Variants in TSPAN11 observed in about 807,000 individuals in gnomAD.
TSPAN11 encodes tetraspanin-11.
In TSPAN11, 29 loss-of-function variants were observed where a neutral mutation model predicts 32.9. The observed-to-expected ratio is 0.88, with a 90% CI of 0.66 to 1.20. TSPAN11 has a LOEUF of 1.20. TSPAN11 is among the 50% of genes most tolerant of loss of function. The pLI is 0.00. For missense variants in TSPAN11, 283 were observed against 329.1 expected (o/e 0.86, Z 1.08); for synonymous variants, 140 against 141.3 (o/e 0.99, Z 0.07).
At chr12:31,004,088 G>T in the TSPAN11 span, among the ~76,000 whole-genome samples, 2 of 152,350 alleles carry the variant, frequency 1.3e-5, no homozygotes, top group Non-Finnish European at 2.9e-5. Flanking sequence ...CCAACTGTAG[G>T]AAGAAGGGCT....
intron 2 of TSPAN11, among the ~76,000 whole-genome samples, chr12:30,956,102 G>T (rs954327779): frequency 2.6e-5 from 4 of 152,170 alleles, no homozygotes. Context: ...AGAGTGAAGG[G>T]ATTTATAAGG....
Position 30,991,895 on chromosome 12 carries a change from C to T in TSPAN11, c.742C>T (p.Leu248Phe), listed in dbSNP as rs368682367. The stretch of plus-strand genomic sequence containing the variant: ...TCTCACCTGCTGCTTGCACCAGAGG[C>T]TCCAGCGGCATTTTTACTAATGGCC... ...MVLTCCLHQR[L>F]QRHFY is the part of the protein sequence containing the mutation. Residue 248 changes from leucine to phenylalanine, a missense_variant, in exon 8 of 8, where the codon CTC becomes TTC. By Grantham distance (22) the Leu-to-Phe change is conservative. Transcript: ENST00000546076. 6.2e-7 allele frequency: 1 copy of T among 1,614,198 alleles called. No homozygotes were observed. The highest frequency in any genetic ancestry group is 2.2e-5 in the East Asian group (1 of 44,884).
At chr12:30,998,385 G>A (rs951580858), downstream of TSPAN11, among the ~76,000 whole-genome samples, 1 of 152,240 alleles carries the variant, frequency 6.6e-6, no homozygotes, top group Non-Finnish European at 1.5e-5. Context: ...TGCTGCCTCT[G>A]GGTGGGGACG....
intron 2 of TSPAN11, among the ~76,000 whole-genome samples, chr12:30,957,228 ACCCC>A (rs56296744): frequency 0.26 from 28,336 of 107,938 alleles, 3,381 homozygotes; most frequent in South Asian, 0.35. Context: ...ATGGCCTGGG[ACCCC>A]CCCCCCCCCC....
At chr12:31,004,429 T>G in the TSPAN11 span, among the ~76,000 whole-genome samples, 2 of 152,162 alleles carry the variant, frequency 1.3e-5, no homozygotes, top group Non-Finnish European at 2.9e-5. Context: ...CTGATGTCGA[T>G]GAACCCTGGG....
At chr12:30,941,417 C>T (rs1029027428) in intron 1 of TSPAN11, among the ~76,000 whole-genome samples, 1 of 152,196 alleles carries the variant, frequency 6.6e-6, no homozygotes, top group African/African-American at 2.4e-5. Context: ...TTGGGCGATG[C>T]AGAAATGGTC....
intron 1 of TSPAN11, among the ~76,000 whole-genome samples, chr12:30,947,545 A>G (rs1448261721): frequency 1.3e-5 from 2 of 152,200 alleles, no homozygotes; most frequent in Non-Finnish European, 2.9e-5. Flanking sequence ...CACTTCCTAC[A>G]TGGTGGTGGC....
rs1317304708 is a variant in TSPAN11 at position 30,994,359 on chromosome 12, C to T, written c.*2444C>T. ...AGTTCCTTGGAGAGAGAGGACACGCCTGTGGAATGTCACCTTCAGTCCCGT... is the reference window on the plus strand; with the variant it reads ...AGTTCCTTGGAGAGAGAGGACACGCTTGTGGAATGTCACCTTCAGTCCCGT... On this transcript the variant is annotated 3_prime_UTR_variant, in exon 8 of 8. Coordinates refer to ENST00000546076, the MANE Select transcript of TSPAN11 (RefSeq NM_001370302.1). 2 of 152,232 alleles carry T rather than the reference C, an allele frequency of 1.3e-5. No individual in the cohort carries two copies. The highest frequency in any genetic ancestry group is 3.9e-4 in the East Asian group (2 of 5,182). 9.4% of individuals were successfully genotyped at this position (152,232 alleles called of 1,614,324 possible). A position where few individuals can be genotyped will look rare whatever the true frequency, so the allele number is the denominator to read the frequency against.
At chr12:30,929,301 C>G (rs1937868386) in intron 1 of TSPAN11, among the ~76,000 whole-genome samples, 1 of 152,194 alleles carries the variant, frequency 6.6e-6, no homozygotes, top group Non-Finnish European at 1.5e-5. Context: ...AGGCAGGATT[C>G]AGACATACAA....
intron 7 of TSPAN11, among the ~76,000 whole-genome samples, chr12:30,983,844 G>C (rs1294522280): frequency 6.6e-6 from 1 of 152,142 alleles, no homozygotes; most frequent in Non-Finnish European, 1.5e-5. Context: ...ATGTGCATAG[G>C]TTATATGCAA....
rs966652319 is a variant in TSPAN11, at chr12:30,979,186, A to G, written c.352-380A>G. ...CTATGATGCCCACAGGGTAACAATT[A>G]TAAGTATTTTCAATATCACCTCATG... On this transcript the variant is annotated intron_variant, in intron 4 of 7. Coordinates refer to ENST00000546076, the MANE Select transcript of TSPAN11 (RefSeq NM_001370302.1). 5.3e-5 allele frequency among the ~76,000 whole-genome samples: 8 copies of G among 152,222 alleles called. No individual in the cohort carries two copies. The East Asian group carries it at 1.3e-3, about 26-fold the overall frequency.
At chr12:31,006,723 A>C in the TSPAN11 span, among the ~76,000 whole-genome samples, 2 of 152,350 alleles carry the variant, frequency 1.3e-5, no homozygotes, top group East Asian at 3.9e-4. Context: ...ACAGCAGGTA[A>C]ACTGAGGCCA....
the TSPAN11 span, among the ~76,000 whole-genome samples, chr12:31,001,645 C>T: frequency 6.6e-6 from 1 of 152,196 alleles, no homozygotes; most frequent in East Asian, 1.9e-4. Context: ...GGTTCTGCCA[C>T]AGCTCGTAAG....
At chr12:30,974,813 C>T (rs71453794) in intron 3 of TSPAN11, among the ~76,000 whole-genome samples, 28 of 152,188 alleles carry the variant, frequency 1.8e-4, no homozygotes, top group Non-Finnish European at 2.6e-4. Context: ...AGGAACCGCA[C>T]GGCAGGCGAA....
At chr12:30,933,076 G>A (rs1239340537) in intron 1 of TSPAN11, among the ~76,000 whole-genome samples, 1 of 152,164 alleles carries the variant, frequency 6.6e-6, no homozygotes, top group Non-Finnish European at 1.5e-5. Flanking sequence ...CCCTGCCAGA[G>A]CCGCAGGATG....
In TSPAN11 at chr12:30,994,308, CCT is replaced by C. The variant is rs959006492; in HGVS notation, c.*2394_*2395del. 3 of 152,314 alleles carry C rather than the reference CCT, an allele frequency of 2.0e-5. No individual in the cohort carries two copies. The highest frequency in any genetic ancestry group is 2.9e-5 in the Non-Finnish European group (2 of 68,160). 9.4% of individuals were successfully genotyped at this position (152,314 alleles called of 1,614,324 possible). A position where few individuals can be genotyped will look rare whatever the true frequency, so the allele number is the denominator to read the frequency against. ...TACCCAGGTCAATTCCTCCCGGGCC[CCT>C]GTTTGGAGGCTGCTACAGCCTTGAG... On this transcript the variant is annotated 3_prime_UTR_variant, in exon 8 of 8. Transcript: ENST00000546076.
downstream of TSPAN11, among the ~76,000 whole-genome samples, chr12:30,999,782 T>C (rs1394730573): frequency 6.6e-6 from 1 of 152,098 alleles, no homozygotes; most frequent in Admixed American, 6.6e-5. Flanking sequence ...CAGAACTCGG[T>C]AACCAGAAGA....
intron 1 of TSPAN11, among the ~76,000 whole-genome samples, chr12:30,932,721 A>G (rs1033657516): frequency 2.0e-5 from 3 of 152,210 alleles, no homozygotes; most frequent in African/African-American, 7.2e-5. Context: ...AATGCTTTAT[A>G]CAATTTCAGG....
At chr12:30,976,599 G>A (rs548182388) in intron 3 of TSPAN11, among the ~76,000 whole-genome samples, 1 of 152,292 alleles carries the variant, frequency 6.6e-6, no homozygotes, top group South Asian at 2.1e-4. Flanking sequence ...CCCCTGTCCT[G>A]AGGCCCCCTT....
Sources: gnomAD v4.1 joint callset for allele counts (sites outside exome capture counted in the v4.1 genomes callset) on GRCh38, gnomAD v4.1.1 for gene constraint, MANE v1.5 for transcripts, NCBI Gene and HGNC (gene_info 2026-07-23, HGNC 2026-07-21) for gene names.